The following SMC1B variants were observed in gnomAD, a reference collection of about 807,000 sequenced individuals.
SMC1B encodes structural maintenance of chromosomes 1B, also known as structural maintenance of chromosomes protein 1B.
A neutral mutation model predicts 157.9 loss-of-function variants in SMC1B; 60 were observed. The ratio of observed to expected loss-of-function variants is 0.38; its 90% CI spans 0.31 to 0.47. SMC1B has a LOEUF of 0.47. Ranked by LOEUF, SMC1B falls within the 20% of genes least tolerant of loss-of-function variation. The pLI, the probability that SMC1B is intolerant of heterozygous loss-of-function variation, is 0.99. For missense variants in SMC1B, 1,165 were observed against 1,426.2 expected (o/e 0.82, Z 2.95); for synonymous variants, 445 against 483.0 (o/e 0.92, Z 1.03).
At chr22:45,365,420 T>C (rs546984625) in intron 15 of SMC1B, among the ~76,000 whole-genome samples, 37 of 152,136 alleles carry the variant, frequency 2.4e-4, no homozygotes, top group Non-Finnish European at 4.0e-4. Flanking sequence ...AATTTGAGAT[T>C]AGGCCGAGCA....
In SMC1B at chr22:45,363,023, T is replaced by C; in HGVS notation, c.2424A>G (p.Leu808=). The part of the protein sequence containing the change: ...KRQQEIDQKR[L]EFEKQKTRLN... ...GCCGAGTTTTTTGTTTTTCAAATTCTAATCTAGTATAATAAAGTCAAGCAT... is the reference window on the plus strand; with the variant it reads ...GCCGAGTTTTTTGTTTTTCAAATTCCAATCTAGTATAATAAAGTCAAGCAT... The change falls in exon 16 of 25, where the codon TTA becomes TTG. Residue 808 remains leucine (L), a synonymous_variant. Transcript: ENST00000357450. The C allele has an allele frequency of 6.4e-7, 1 of 1,571,710 alleles. No homozygotes were observed. The highest frequency in any genetic ancestry group is 8.6e-7 in the Non-Finnish European group (1 of 1,163,630).
intron 21 of SMC1B, 54 bp downstream of exon 21, chr22:45,353,913 AAAAAAAACAAC>A: frequency 1.3e-6 from 1 of 757,826 alleles, no homozygotes; most frequent in South Asian, 2.1e-5. Context: ...AAAAAAAAAA[AAAAAAAACAAC>A]CACCACCGGT....
rs35971057 is a variant in SMC1B, at chr22:45,374,090, G to GTT, written c.2059-1800_2059-1799dup. 2.4e-3 allele frequency among the ~76,000 whole-genome samples: 209 copies of GTT among 85,472 alleles called. 1 individual carries two copies. The highest frequency in any genetic ancestry group is 3.7e-3 in the Non-Finnish European group (179 of 48,430). The allele number at this position is 85,472 out of a possible 152,430, so 56.1% of individuals were successfully genotyped here. On this transcript the variant is annotated intron_variant, in intron 12 of 24. Coordinates refer to ENST00000357450, the MANE Select transcript of SMC1B (RefSeq NM_148674.5). Reference sequence around the variant, plus strand: ...AAAGAAAGTTATAAAAACAAAGACGGTTTTTTTTTTTTTTTTTTTTTTTGG... The same window carrying GTT: ...AAAGAAAGTTATAAAAACAAAGACGGTTTTTTTTTTTTTTTTTTTTTTTTTGG...
chr22:45,359,774 G>A (rs1344981681), intron 18 of SMC1B, 31 bp downstream of exon 18: 2 of 1,602,262 alleles, frequency 1.2e-6, no homozygotes, highest in East Asian at 4.5e-5. Flanking sequence ...CCACACAACG[G>A]CACATATTTT....
chr22:45,379,680 T>C (rs1054683688), intron 12 of SMC1B, among the ~76,000 whole-genome samples: 6 of 151,962 alleles, frequency 3.9e-5, no homozygotes, highest in African/African-American at 1.4e-4. Flanking sequence ...TTAGGTCTAT[T>C]CTAATTCATG....
intron 7 of SMC1B, among the ~76,000 whole-genome samples, chr22:45,395,879 T>A (rs2087117635): frequency 6.6e-6 from 1 of 152,092 alleles, no homozygotes; most frequent in Admixed American, 6.5e-5. Flanking sequence ...GGTAGTTATA[T>A]GAGGAAGAAA....
At chr22:45,394,455 C>T (rs945680619) in intron 8 of SMC1B, among the ~76,000 whole-genome samples, 9 of 152,084 alleles carry the variant, frequency 5.9e-5, no homozygotes, top group African/African-American at 2.2e-4. Context: ...GCCTGGGCAA[C>T]ATGGTGAAAC....
At chr22:45,400,775 T>TA (rs1002415069) in intron 5 of SMC1B, among the ~76,000 whole-genome samples, 1 of 152,152 alleles carries the variant, frequency 6.6e-6, no homozygotes, top group Non-Finnish European at 1.5e-5. Flanking sequence ...ATATGACACA[T>TA]GATATAGTAC....
At chr22:45,360,790 A>T (rs1269011998) in intron 17 of SMC1B, among the ~76,000 whole-genome samples, 1 of 152,268 alleles carries the variant, frequency 6.6e-6, no homozygotes, top group Non-Finnish European at 1.5e-5. Flanking sequence ...TCGAACAGTG[A>T]GAAAAACTGT....
chr22:45,405,877 C>T lies in SMC1B; in HGVS notation c.615+583G>A, dbSNP rs368339605. ...AGGCCTTAGCATAAGTAAGATTTAA[C>T]ACAGAAATGTTTATGAGAATTCAGC... On this transcript the variant is annotated intron_variant, in intron 4 of 24. Coordinates refer to ENST00000357450, the MANE Select transcript of SMC1B (RefSeq NM_148674.5). Among the ~76,000 whole-genome samples the T allele has an allele frequency of 5.3e-5, 8 of 152,222 alleles. No homozygotes were observed. In the East Asian group the frequency reaches 1.3e-3, roughly 26 times the overall value.
chr22:45,376,575 CA>C (rs1172282236), intron 12 of SMC1B, among the ~76,000 whole-genome samples: 3 of 151,252 alleles, frequency 2.0e-5, no homozygotes, highest in East Asian at 1.9e-4. Context: ...TCTGGGGTGA[CA>C]AAAAAAAGAA....
At chr22:45,395,930 G>A (rs2087118407) in intron 7 of SMC1B, among the ~76,000 whole-genome samples, 1 of 152,156 alleles carries the variant, frequency 6.6e-6, no homozygotes, top group African/African-American at 2.4e-5. Flanking sequence ...TAAAGAAAAG[G>A]AGGGCCAGGG....
At chr22:45,363,535 T>A (rs1252787032) in intron 15 of SMC1B, among the ~76,000 whole-genome samples, 1 of 152,000 alleles carries the variant, frequency 6.6e-6, no homozygotes, top group African/African-American at 2.4e-5. Flanking sequence ...ACAACAATTA[T>A]CCAGGCTTGG....
At chr22:45,358,204 C>T (rs967552419) in intron 19 of SMC1B, among the ~76,000 whole-genome samples, 1 of 152,168 alleles carries the variant, frequency 6.6e-6, no homozygotes, top group Non-Finnish European at 1.5e-5. Context: ...TTGGCTGTTC[C>T]ATGAGTTGTA....
In SMC1B at chr22:45,355,112, G is replaced by C; in HGVS notation, c.2965C>G (p.Leu989Val). 6.2e-7 allele frequency: 1 copy of C among 1,614,078 alleles called. No individual in the cohort carries two copies. Among genetic ancestry groups the C allele is most frequent in the African/African-American group, 1.3e-5 (1 of 75,036 alleles). ...GCCTCGATTTCTTGATCAGACTGTA[G>C]AGCCTATTATGGGCAAAGAACAACA... ...YSSLKEDLKA[L>V]QSDQEIEAHL... Residue 989 changes from leucine to valine, a missense_variant, in exon 20 of 25, where the codon CTA becomes GTA. By Grantham distance (32) the Leu-to-Val change is conservative (BLOSUM62 1). Coordinates refer to ENST00000357450, the MANE Select transcript of SMC1B (RefSeq NM_148674.5).
chr22:45,387,017 C>G lies in SMC1B; in HGVS notation c.1761G>C (p.Glu587Asp). 6.2e-7 allele frequency: 1 copy of G among 1,613,714 alleles called. No individual in the cohort carries two copies. Among genetic ancestry groups the G allele is most frequent in the South Asian group, 1.1e-5 (1 of 91,064 alleles). Reference sequence around the variant, plus strand: ...CAATCACCATTTTACAGCCTTTAAGCTCCCTTAGTCTTTCATTGATTGGCT... The same window carrying G: ...CAATCACCATTTTACAGCCTTTAAGGTCCCTTAGTCTTTCATTGATTGGCT... ...DIKPINERLR[E>D]LKGCKMVIDV... The change falls in exon 11 of 25, where the codon GAG becomes GAC. Residue 587 changes from glutamate to aspartate, a missense_variant. Physicochemically the swap from Glu to Asp is conservative, Grantham distance 45. Transcript: ENST00000357450.
chr22:45,371,358 C>T (rs2146794724), intron 14 of SMC1B, 113 bp downstream of exon 14: 2 of 1,357,646 alleles, frequency 1.5e-6, no homozygotes, highest in East Asian at 3.1e-5. Context: ...TTGTTTCTGA[C>T]AGGGCACTGT....
At chr22:45,366,557 G>A (rs536184307) in intron 15 of SMC1B, among the ~76,000 whole-genome samples, 97 of 152,276 alleles carry the variant, frequency 6.4e-4, no homozygotes, top group African/African-American at 2.3e-3. Flanking sequence ...CAAAAAGACA[G>A]TGATCCCAAA....
chr22:45,352,355 A>G lies in SMC1B; in HGVS notation c.3425+96T>C, dbSNP rs183310321. ...AAGATAGTTTTGTATCTCATTTGCT[A>G]AATATTAATAAAGACAATAGTTAAT... On this transcript the variant is annotated intron_variant, in intron 22 of 24. Coordinates refer to ENST00000357450, the MANE Select transcript of SMC1B (RefSeq NM_148674.5). 9,111 of 1,147,774 alleles carry G rather than the reference A, an allele frequency of 7.9e-3. 49 individuals are homozygous for G. Among genetic ancestry groups the G allele is most frequent in the Non-Finnish European group, 9.4e-3 (7,990 of 849,726 alleles). The allele number at this position is 1,147,774 out of a possible 1,614,324, so 71.1% of individuals were successfully genotyped here.
Sources: gnomAD v4.1 joint callset for allele counts (sites outside exome capture counted in the v4.1 genomes callset) on GRCh38, gnomAD v4.1.1 for gene constraint, MANE v1.5 for transcripts, NCBI Gene and HGNC (gene_info 2026-07-23, HGNC 2026-07-21) for gene names.